The following SPOCK1 variants were observed in gnomAD, a reference collection of about 807,000 sequenced individuals.
SPOCK1 encodes SPARC (osteonectin), cwcv and kazal like domains proteoglycan 1, also known as testican-1.
A neutral mutation model predicts 55.3 loss-of-function variants in SPOCK1; 23 were observed. That is an observed-to-expected ratio of 0.42 (90% CI 0.30 to 0.59). SPOCK1 has a LOEUF of 0.59. Ranked by LOEUF, SPOCK1 falls within the 20% of genes least tolerant of loss-of-function variation. The pLI is 0.22. For missense variants in SPOCK1, 499 were observed against 552.5 expected (o/e 0.90, Z 0.97); for synonymous variants, 226 against 221.0 (o/e 1.02, Z -0.20).
chr5:137,279,680 G>C (rs1194102579), intron 2 of SPOCK1, among the ~76,000 whole-genome samples: 3 of 152,206 alleles, frequency 2.0e-5, no homozygotes, highest in Admixed American at 1.3e-4. Flanking sequence ...AGGAAACTCT[G>C]TAGCTACTGC....
chr5:137,139,082 G>T (rs1754044953), intron 4 of SPOCK1, among the ~76,000 whole-genome samples: 1 of 152,238 alleles, frequency 6.6e-6, no homozygotes, highest in African/African-American at 2.4e-5. Context: ...CACAATGCTT[G>T]CACAGGCTGA....
intron 3 of SPOCK1, among the ~76,000 whole-genome samples, chr5:137,233,817 T>G (rs550551180): frequency 6.7e-6 from 1 of 150,156 alleles, no homozygotes; most frequent in East Asian, 2.0e-4. Context: ...TAAAAAAAAT[T>G]TCTTGGGATT....
At chr5:137,399,449 C>G (rs1186283929) in intron 2 of SPOCK1, among the ~76,000 whole-genome samples, 3 of 151,900 alleles carry the variant, frequency 2.0e-5, no homozygotes, top group Non-Finnish European at 4.4e-5. Context: ...AGCGTTTAAT[C>G]TATATGACTT....
intron 3 of SPOCK1, among the ~76,000 whole-genome samples, chr5:137,243,911 A>G (rs1324801381): frequency 6.6e-6 from 1 of 152,300 alleles, no homozygotes; most frequent in African/African-American, 2.4e-5. Context: ...GTCAGGATCT[A>G]TGGGCAATGA....
chr5:137,276,066 G>A (rs1009052812), intron 2 of SPOCK1, among the ~76,000 whole-genome samples: 1 of 152,170 alleles, frequency 6.6e-6, no homozygotes, highest in African/African-American at 2.4e-5. Context: ...TTAAAATGCT[G>A]GAGGGACTCC....
At chr5:137,114,061 G>A (rs1353512465) in intron 4 of SPOCK1, among the ~76,000 whole-genome samples, 1 of 152,112 alleles carries the variant, frequency 6.6e-6, no homozygotes, top group Non-Finnish European at 1.5e-5. Context: ...GGTCTGTTTG[G>A]GGAACAACCT....
At chr5:136,998,810 A>G (rs1212195325) in intron 6 of SPOCK1, among the ~76,000 whole-genome samples, 3 of 152,230 alleles carry the variant, frequency 2.0e-5, no homozygotes, top group African/African-American at 7.2e-5. Flanking sequence ...AGAAAGGTAT[A>G]GTGCCATTGC....
At chr5:137,094,160 G>A (rs1349778459) in intron 5 of SPOCK1, among the ~76,000 whole-genome samples, 1 of 152,178 alleles carries the variant, frequency 6.6e-6, no homozygotes, top group Non-Finnish European at 1.5e-5. Flanking sequence ...CTGAGTCACT[G>A]GGCACAGAAT....
intron 2 of SPOCK1, among the ~76,000 whole-genome samples, chr5:137,418,922 T>C (rs1752417944): frequency 6.6e-6 from 1 of 152,238 alleles, no homozygotes; most frequent in Non-Finnish European, 1.5e-5. Context: ...TCTAGGGTTT[T>C]TATGGTTTTA....
intron 3 of SPOCK1, among the ~76,000 whole-genome samples, chr5:137,202,826 T>C (rs1489270515): frequency 1.3e-5 from 2 of 152,256 alleles, no homozygotes; most frequent in African/African-American, 4.8e-5. Flanking sequence ...AAATAATCAC[T>C]AGCATCCATA....
intron 9 of SPOCK1, among the ~76,000 whole-genome samples, chr5:136,983,051 T>A (rs1430351757): frequency 6.6e-6 from 1 of 152,346 alleles, no homozygotes; most frequent in South Asian, 2.1e-4. Flanking sequence ...ATAGTGTGCA[T>A]CTTCTATGGA....
At chr5:137,303,726 C>A (rs1426215688) in intron 2 of SPOCK1, among the ~76,000 whole-genome samples, 4 of 152,158 alleles carry the variant, frequency 2.6e-5, no homozygotes, top group African/African-American at 9.7e-5. Flanking sequence ...TCCTAGGGAA[C>A]CTAGGAGTGG....
chr5:137,137,332 G>A (rs543686353), intron 4 of SPOCK1, among the ~76,000 whole-genome samples: 8 of 152,256 alleles, frequency 5.3e-5, no homozygotes, highest in African/African-American at 1.9e-4. Context: ...AATAAATAGA[G>A]TTGTCAACAT....
intron 7 of SPOCK1, among the ~76,000 whole-genome samples, chr5:136,990,434 A>C (rs1046508587): frequency 2.6e-5 from 4 of 152,178 alleles, no homozygotes; most frequent in Admixed American, 1.3e-4. Context: ...TTAAAAAAAA[A>C]AAAAAATGTT....
At chr5:137,274,126 T>C (rs146312059) in intron 2 of SPOCK1, among the ~76,000 whole-genome samples, 3 of 152,346 alleles carry the variant, frequency 2.0e-5, no homozygotes, top group Non-Finnish European at 2.9e-5. Context: ...GTTTGGGCTT[T>C]TCTTCTGGGG....
intron 6 of SPOCK1, among the ~76,000 whole-genome samples, chr5:137,012,824 C>T (rs1187636772): frequency 1.3e-5 from 2 of 152,068 alleles, no homozygotes; most frequent in Non-Finnish European, 2.9e-5. Flanking sequence ...TAAGGCTTAT[C>T]ATAGAAAAAA....
chr5:137,302,734 A>C lies in SPOCK1; in HGVS notation c.187-35679T>G, dbSNP rs73293088. Among the ~76,000 whole-genome samples, 1,082 of 152,298 alleles carry C rather than the reference A, an allele frequency of 7.1e-3. 26 individuals carry two copies. The highest frequency in any genetic ancestry group is 0.025 in the African/African-American group (1,022 of 41,546). On this transcript the variant is annotated intron_variant, in intron 2 of 10. Transcript: ENST00000394945. The stretch of plus-strand genomic sequence containing the variant: ...TTATAAATAATTTCAGGAGTAAGGT[A>C]CACCTTCTAAAACGTCCTTGAACTC...
chr5:137,013,430 T>C (rs1580707514), intron 6 of SPOCK1, among the ~76,000 whole-genome samples: 1 of 152,244 alleles, frequency 6.6e-6, no homozygotes, highest in East Asian at 1.9e-4. Flanking sequence ...AGCCTCGTGT[T>C]AAAGAGAGTT....
intron 2 of SPOCK1, among the ~76,000 whole-genome samples, chr5:137,297,267 G>A (rs757815014): frequency 2.0e-5 from 3 of 152,086 alleles, no homozygotes; most frequent in Non-Finnish European, 2.9e-5. Flanking sequence ...CTCAGAATGC[G>A]TCTCCTTTGG....
Sources: gnomAD v4.1 joint callset for allele counts (sites outside exome capture counted in the v4.1 genomes callset) on GRCh38, gnomAD v4.1.1 for gene constraint, MANE v1.5 for transcripts, NCBI Gene and HGNC (gene_info 2026-07-23, HGNC 2026-07-21) for gene names.